The following MYH9 variants were observed in gnomAD, a reference collection of about 807,000 sequenced individuals.
MYH9 encodes myosin heavy chain 9, also known as myosin-9.
In MYH9, 29 loss-of-function variants were observed where a neutral mutation model predicts 241.9. The ratio of observed to expected loss-of-function variants is 0.12; its 90% CI spans 0.09 to 0.16. The LOEUF (loss-of-function observed/expected upper bound fraction) is 0.16. Among genes scored for constraint, MYH9 ranks in the 10% least tolerant of loss-of-function variants. The pLI, the probability that MYH9 is intolerant of heterozygous loss-of-function variation, is 1.00. For synonymous variants in MYH9, 1,047 were observed against 1,062.6 expected, an observed-to-expected ratio of 0.99 and a Z score of 0.29; for missense variants, 1,803 against 2,595.5, an observed-to-expected ratio of 0.69 and a Z score of 6.63.
intron 4 of MYH9, among the ~76,000 whole-genome samples, chr22:36,326,982 C>T (rs993685084): frequency 6.6e-6 from 1 of 152,238 alleles, no homozygotes; most frequent in Non-Finnish European, 1.5e-5. Context: ...GGCACTTGTA[C>T]ATGTTCCTTT....
chr22:36,309,669 C>T (rs1323463358), intron 14 of MYH9, among the ~76,000 whole-genome samples: 3 of 152,220 alleles, frequency 2.0e-5, no homozygotes, highest in African/African-American at 7.2e-5. Context: ...GGTGGCCACA[C>T]AGTACCGTGC....
Position 36,305,895 on chromosome 22 carries a change from G to A in MYH9, c.2159+35C>T, listed in dbSNP as rs2016960583. 3 of 1,611,838 alleles carry A rather than the reference G, an allele frequency of 1.9e-6. No homozygotes were observed. The highest frequency in any genetic ancestry group is 1.3e-5 in the African/African-American group (1 of 74,890). ...CTGGGACTCACTGCACGCACAGCAG[G>A]GCCCAGGAGAAGCGGGCTCCGGGCC... is the stretch of plus-strand genomic sequence containing the variant. On this transcript the variant is annotated intron_variant, in intron 17 of 40. Transcript: ENST00000216181. The surrounding 1 kb of genome is among the most constrained non-coding windows in gnomAD (Gnocchi z 4.7).
At chr22:36,383,210 A>G (rs1408164738) in intron 1 of MYH9, among the ~76,000 whole-genome samples, 2 of 152,156 alleles carry the variant, frequency 1.3e-5, no homozygotes, top group Non-Finnish European at 2.9e-5. Context: ...ACAGAGCAAG[A>G]CCCTGCTTCA....
In MYH9 at chr22:36,293,176, G is replaced by A. The variant is rs967130747; in HGVS notation, c.4095+153C>T. Among the ~76,000 whole-genome samples, 1 of 152,252 alleles carries A rather than the reference G, an allele frequency of 6.6e-6. No homozygotes were observed. Among genetic ancestry groups the A allele is most frequent in the African/African-American group, 2.4e-5 (1 of 41,460 alleles). The stretch of plus-strand genomic sequence containing the variant: ...CAGATCCCTGGATTCCTTTCCTTGA[G>A]AGCACTGATGTGGGAGAGCACGGTT... On this transcript the variant is annotated intron_variant, in intron 30 of 40. Transcript: ENST00000216181. The surrounding 1 kb of genome is among the most constrained non-coding windows in gnomAD (Gnocchi z 5.1).
Position 36,303,784 on chromosome 22 carries a change from CAAAAAAAAAAA to C in MYH9, c.2390+200_2390+210del, listed in dbSNP as rs56983008. Among the ~76,000 whole-genome samples the C allele has an allele frequency of 0.024, 1,167 of 48,456 alleles. 19 individuals carry two copies. Among genetic ancestry groups the C allele is most frequent in the African/African-American group, 0.08 (1,085 of 13,500 alleles). 31.8% of individuals were successfully genotyped at this position (48,456 alleles called of 152,430 possible). A position where few individuals can be genotyped will look rare whatever the true frequency, so the allele number is the denominator to read the frequency against. On this transcript the variant is annotated intron_variant, in intron 19 of 40. Coordinates refer to ENST00000216181, the MANE Select transcript of MYH9 (RefSeq NM_002473.6). ...TGGGCGACAGAGTGAGACTCCGTCT[CAAAAAAAAAAA>C]AAAAAAAAGAAAAAAAAAAGAACTG... is the stretch of plus-strand genomic sequence containing the variant.
intron 2 of MYH9, among the ~76,000 whole-genome samples, chr22:36,342,758 A>G (rs533071488): frequency 1.3e-5 from 2 of 152,192 alleles, no homozygotes; most frequent in Non-Finnish European, 2.9e-5. Context: ...TCTTCCTAAG[A>G]AAATGGGCCT....
intron 3 of MYH9, among the ~76,000 whole-genome samples, chr22:36,328,013 C>T (rs903098588): frequency 3.9e-5 from 6 of 152,200 alleles, no homozygotes; most frequent in Non-Finnish European, 8.8e-5. Flanking sequence ...GCCTGAGACC[C>T]GGGACAGGTG....
chr22:36,373,419 C>A (rs915164080), intron 1 of MYH9, among the ~76,000 whole-genome samples: 1 of 152,224 alleles, frequency 6.6e-6, no homozygotes, highest in Non-Finnish European at 1.5e-5. Context: ...AGTGACACAA[C>A]GGCGGAGGCG....
In MYH9 at chr22:36,284,433, C is replaced by T. The variant is rs770321765; in HGVS notation, c.5562G>A (p.Glu1854=). Residue 1854 remains glutamate (E), a synonymous_variant, in exon 39 of 41, where the codon GAG becomes GAA. Coordinates refer to ENST00000216181, the MANE Select transcript of MYH9 (RefSeq NM_002473.6). ...CCTTGTACTGCTCGGCGTTCCTCCG[C>T]TCGTCATCCACCTGCAGCAGCACAT... The part of the protein sequence containing the change: ...LKDVLLQVDD[E]RRNAEQYKDQ... 5.0e-6 allele frequency: 8 copies of T among 1,613,352 alleles called. No individual in the cohort carries two copies. Among genetic ancestry groups the T allele is most frequent in the Non-Finnish European group, 5.9e-6 (7 of 1,180,034 alleles).
chr22:36,379,650 G>A (rs535505247), intron 1 of MYH9, among the ~76,000 whole-genome samples: 33 of 152,330 alleles, frequency 2.2e-4, no homozygotes, highest in Non-Finnish European at 3.5e-4. Context: ...GAAGTGACTC[G>A]AGGGTGGGGA....
rs1330043219 is a variant in MYH9, at chr22:36,326,605, G to A, written c.575C>T (p.Ala192Val). Residue 192 changes from alanine to valine, a missense_variant, in exon 5 of 41, where the codon GCG becomes GTG. This residue lies in a region of MYH9 where 222 missense variants were observed against 359.9 expected (regional missense o/e 0.62). Coordinates refer to ENST00000216181, the MANE Select transcript of MYH9 (RefSeq NM_002473.6). Reference protein sequence around the residue: ...ENTKKVIQYLAYVASSHKSKK... With the variant: ...ENTKKVIQYLVYVASSHKSKK... ...GCTCTTGTGCGAGGACGCCACGTACGCCAGATACTGGATGACCTTCTTGGT... is the reference window on the plus strand; with the variant it reads ...GCTCTTGTGCGAGGACGCCACGTACACCAGATACTGGATGACCTTCTTGGT... The A allele has an allele frequency of 1.2e-5, 20 of 1,614,072 alleles. No individual in the cohort carries two copies. The highest frequency in any genetic ancestry group is 1.4e-5 in the Non-Finnish European group (17 of 1,180,038).
intron 1 of MYH9, among the ~76,000 whole-genome samples, chr22:36,367,928 C>T (rs560074283): frequency 2.6e-5 from 4 of 152,316 alleles, no homozygotes; most frequent in South Asian, 4.1e-4. Context: ...CACACAGACA[C>T]GTGCAAAGAT....
chr22:36,306,115 G>T lies in MYH9; in HGVS notation c.2038-64C>A. The T allele has an allele frequency of 6.2e-7, 1 of 1,606,442 alleles. No homozygotes were observed. Among genetic ancestry groups the T allele is most frequent in the South Asian group, 1.1e-5 (1 of 90,932 alleles). On this transcript the variant is annotated intron_variant, in intron 16 of 40. Coordinates refer to ENST00000216181, the MANE Select transcript of MYH9 (RefSeq NM_002473.6). This position sits in a 1 kb window ranked among gnomAD's most constrained non-coding sequence, Gnocchi z 4.1. ...GCCTAGAACAGTCGGAGAATAGTCA[G>T]GGAACCCCTATGAACCTGACAGGGC...
chr22:36,368,018 CAT>C (rs200936568), intron 1 of MYH9, among the ~76,000 whole-genome samples: 2,194 of 152,318 alleles, frequency 0.014, 102 homozygotes, highest in Admixed American at 0.084. Flanking sequence ...CACACACACA[CAT>C]GCCTGCATAC....
intron 2 of MYH9, 99 bp from the exon 3 acceptor site, chr22:36,341,625 G>C (rs1412247400): frequency 2.2e-6 from 3 of 1,386,270 alleles, no homozygotes; most frequent in Admixed American, 3.6e-5. Context: ...AAGGACCCCT[G>C]AGTCAGCCTG....
chr22:36,353,737 C>G (rs1002878992), intron 1 of MYH9, among the ~76,000 whole-genome samples: 2 of 149,262 alleles, frequency 1.3e-5, no homozygotes, highest in Admixed American at 1.3e-4. Flanking sequence ...CTCCCCCCAC[C>G]GCCTCTCCCC....
rs932428263 is a variant in MYH9, at chr22:36,387,891, A to G, written c.-104T>C. Reference sequence around the variant, plus strand: ...GCTCGGGCGGCGGCCGGGTGGGGCGAGCGCACGAGGCGGGAGCTGCAGCAG... The same window carrying G: ...GCTCGGGCGGCGGCCGGGTGGGGCGGGCGCACGAGGCGGGAGCTGCAGCAG... On this transcript the variant is annotated 5_prime_UTR_variant, in exon 1 of 41. Coordinates refer to ENST00000216181, the MANE Select transcript of MYH9 (RefSeq NM_002473.6). 1 of 152,058 alleles carries G rather than the reference A, an allele frequency of 6.6e-6. No homozygotes were observed. The highest frequency in any genetic ancestry group is 1.5e-5 in the Non-Finnish European group (1 of 68,076). The allele number at this position is 152,058 out of a possible 1,614,324, so 9.4% of individuals were successfully genotyped here.
intron 3 of MYH9, among the ~76,000 whole-genome samples, chr22:36,340,083 T>A (rs1031762302): frequency 1.1e-4 from 17 of 151,956 alleles, no homozygotes; most frequent in African/African-American, 4.1e-4. Flanking sequence ...TGTAAGGAGT[T>A]CCACATAGCT....
intron 1 of MYH9, among the ~76,000 whole-genome samples, chr22:36,356,778 G>C (rs1372032356): frequency 6.6e-6 from 1 of 152,200 alleles, no homozygotes; most frequent in African/African-American, 2.4e-5. Flanking sequence ...CATGAACCTA[G>C]GTGACTAGGT....
Sources: allele counts gnomAD v4.1 joint callset (sites outside exome capture counted in the v4.1 genomes callset), GRCh38; gene constraint gnomAD v4.1.1; regional missense constraint gnomAD v4.1.1; non-coding constraint Gnocchi (gnomAD v3.1); transcripts MANE v1.5; gene names NCBI Gene and HGNC (gene_info 2026-07-23, HGNC 2026-07-21).